ATP8B2: variants seen among roughly 807,000 people sequenced by gnomAD.
ATP8B2 encodes ATPase phospholipid transporting 8B2.
Under a neutral mutation model 133.4 loss-of-function variants are expected in ATP8B2, and 70 were observed. The ratio of observed to expected loss-of-function variants is 0.52; its 90% CI spans 0.43 to 0.64. ATP8B2 has a LOEUF of 0.64. Among genes scored for constraint, ATP8B2 ranks in the 30% least tolerant of loss-of-function variants. ATP8B2 has a pLI of 0.00. For missense variants in ATP8B2, 1,101 were observed against 1,535.7 expected (o/e 0.72, Z 4.73); for synonymous variants, 517 against 589.5 (o/e 0.88, Z 1.78).
rs1320228827 is a variant in ATP8B2, at chr1:154,334,787, G to A, written c.837+196G>A. On this transcript the variant is annotated intron_variant, in intron 11 of 27. Coordinates refer to ENST00000368489, the MANE Select transcript of ATP8B2 (RefSeq NM_001370597.1). This position sits in a 1 kb window ranked among gnomAD's most constrained non-coding sequence, Gnocchi z 4.6. The stretch of plus-strand genomic sequence containing the variant: ...TGTTATTTAAAAAAACTTCAGGAAC[G>A]TGCATGAATCAACAACTTAAAGCTA... Among the ~76,000 whole-genome samples the A allele has an allele frequency of 6.6e-6, 1 of 152,030 alleles. No homozygotes were observed. Among genetic ancestry groups the A allele is most frequent in the Non-Finnish European group, 1.5e-5 (1 of 68,022 alleles).
chr1:154,337,560 G>A lies in ATP8B2; in HGVS notation c.1034+16G>A. On this transcript the variant is annotated intron_variant, in intron 12 of 27. Coordinates refer to ENST00000368489, the MANE Select transcript of ATP8B2 (RefSeq NM_001370597.1). ...TCTATGTCAGGTATGTGCCTTCTCTGACCTGGGGTCTCTCCAGGGAGTCAG... is the reference window on the plus strand; with the variant it reads ...TCTATGTCAGGTATGTGCCTTCTCTAACCTGGGGTCTCTCCAGGGAGTCAG... 6.2e-7 allele frequency: 1 copy of A among 1,614,144 alleles called. No homozygotes were observed. Among genetic ancestry groups the A allele is most frequent in the Non-Finnish European group, 8.5e-7 (1 of 1,180,018 alleles).
In ATP8B2 at chr1:154,343,373, G is replaced by T. The variant is rs1208931832; in HGVS notation, c.1642+72G>T. ...GCCTGGAATGGGTGAAGTGTGCCGG[G>T]TGACTCTTGATGTGTTTATGTTGGG... On this transcript the variant is annotated intron_variant, in intron 16 of 27. Transcript: ENST00000368489. The surrounding 1 kb of genome is among the most constrained non-coding windows in gnomAD (Gnocchi z 5.8). 9.3e-6 allele frequency: 15 copies of T among 1,604,686 alleles called. No individual in the cohort carries two copies. In the East Asian group the frequency reaches 3.4e-4, roughly 36 times the overall value.
Position 154,336,021 on chromosome 1 carries a change from G to A in ATP8B2, c.838-1327G>A, listed in dbSNP as rs1388072296. On this transcript the variant is annotated intron_variant, in intron 11 of 27. Transcript: ENST00000368489. ...CGCGCCACTGCACTCCAGCCTGGGC[G>A]ACAGAGCAAGGCTCCATCTCAAAAA... 6.4e-5 allele frequency among the ~76,000 whole-genome samples: 9 copies of A among 140,000 alleles called. No homozygotes were observed. In the East Asian group the frequency reaches 1.7e-3, roughly 26 times the overall value. 91.8% of individuals were successfully genotyped at this position (140,000 alleles called of 152,430 possible).
Position 154,332,635 on chromosome 1 carries a change from T to C in ATP8B2, c.527T>C (p.Val176Ala). 1 of 1,589,602 alleles carries C rather than the reference T, an allele frequency of 6.3e-7. No homozygotes were observed. The highest frequency in any genetic ancestry group is 1.1e-5 in the South Asian group (1 of 87,190). Residue 176 changes from valine to alanine, a missense_variant, in exon 9 of 28, where the codon GTA becomes GCA. Val to Ala is a moderately conservative substitution (Grantham distance 64). Transcript: ENST00000368489. Reference protein sequence around the residue: ...AELDGETNMKVRQAIPVTSEL... With the variant: ...AELDGETNMKARQAIPVTSEL... ...CCTTCCAGCGAGACCAACATGAAAG[T>C]ACGTCAGGCGATTCCAGTCACCTCA...
intron 1 of ATP8B2, among the ~76,000 whole-genome samples, chr1:154,326,329 C>G (rs902600008): frequency 2.0e-5 from 3 of 152,032 alleles, no homozygotes; most frequent in African/African-American, 7.3e-5. Context: ...AAGTGGCCAG[C>G]CTTTGGGGCT....
At position 154,344,411 on chromosome 1, in the gene ATP8B2, C is replaced by A. The variant is rs150649613; in HGVS notation, c.2052C>A (p.Ile684=). 33 of 1,613,984 alleles carry A rather than the reference C, an allele frequency of 2.0e-5. No individual in the cohort carries two copies. The highest frequency in any genetic ancestry group is 1.8e-4 in the South Asian group (16 of 91,086). ...TCTTGGTAGAGACGGCTGTGAACAT[C>A]GGCTATTCCTGCAAGATGCTGACGG... ...TGDKQETAVN[I]GYSCKMLTDD... The change falls in exon 20 of 28, where the codon ATC becomes ATA. Residue 684 remains isoleucine (I), a synonymous_variant. Transcript: ENST00000368489. The surrounding 1 kb of genome is among the most constrained non-coding windows in gnomAD (Gnocchi z 4.1).
chr1:154,330,538 C>A, intron 3 of ATP8B2, 84 bp downstream of exon 3: 2 of 1,449,256 alleles, frequency 1.4e-6, no homozygotes, highest in Non-Finnish European at 1.9e-6. Context: ...GGACTGAGGG[C>A]TGCCTGGGAA....
rs760966152 is a variant in ATP8B2, at chr1:154,343,947, G to A, written c.1813G>A (p.Glu605Lys). ...TLVLAYKDLDEEYYEEWAERR... is the reference protein window; with the variant it reads ...TLVLAYKDLDKEYYEEWAERR... ...GGTGCTGGCCTACAAGGATCTGGAT[G>A]AAGAGTACTACGAGGAGTGGGCTGA... The change falls in exon 18 of 28, where the codon GAA becomes AAA. Residue 605 changes from glutamate (E) to lysine (K), a missense_variant. Coordinates refer to ENST00000368489, the MANE Select transcript of ATP8B2 (RefSeq NM_001370597.1). The surrounding 1 kb of genome is among the most constrained non-coding windows in gnomAD (Gnocchi z 5.8). 1.9e-6 allele frequency: 3 copies of A among 1,614,068 alleles called. No homozygotes were observed. Among genetic ancestry groups the A allele is most frequent in the South Asian group, 1.1e-5 (1 of 91,078 alleles).
At chr1:154,347,757 A>G (rs1686633467) in intron 26 of ATP8B2, among the ~76,000 whole-genome samples, 1 of 152,124 alleles carries the variant, frequency 6.6e-6, no homozygotes, top group Non-Finnish European at 1.5e-5. Flanking sequence ...CCTGACCCAC[A>G]TGGAGAAACC....
rs577661250 is a variant in ATP8B2 at position 154,328,953 on chromosome 1, T to C, written c.31+781T>C. On this transcript the variant is annotated intron_variant, in intron 2 of 27. Coordinates refer to ENST00000368489, the MANE Select transcript of ATP8B2 (RefSeq NM_001370597.1). The surrounding 1 kb of genome is among the most constrained non-coding windows in gnomAD (Gnocchi z 4.6). The stretch of plus-strand genomic sequence containing the variant: ...CGATGCCACTAAGGCCAAGGACATA[T>C]AGACGGTCTGCCCTCCCCCACTCAA... 3.1e-6 allele frequency: 4 copies of C among 1,303,782 alleles called. No homozygotes were observed. The highest frequency in any genetic ancestry group is 3.0e-6 in the Non-Finnish European group (3 of 988,794). The allele number at this position is 1,303,782 out of a possible 1,614,324, so 80.8% of individuals were successfully genotyped here. A position where few individuals can be genotyped will look rare whatever the true frequency, so the allele number is the denominator to read the frequency against.
In ATP8B2 at chr1:154,343,154, C is replaced by A; in HGVS notation, c.1495C>A (p.Leu499Met). 6.2e-7 allele frequency: 1 copy of A among 1,614,140 alleles called. No homozygotes were observed. Among genetic ancestry groups the A allele is most frequent in the Non-Finnish European group, 8.5e-7 (1 of 1,180,028 alleles). ...AGCTCAGTCCCCAGATGAGGGGGCC[C>A]TGGTCACCGCAGCCAGGAACTTTGG... The part of the protein sequence containing the change: ...YKAQSPDEGA[L>M]VTAARNFGFV... The change falls in exon 16 of 28, where the codon CTG (leucine) becomes ATG (methionine). Residue 499 changes from leucine (L) to methionine (M), a missense_variant. By Grantham distance (15) the Leu-to-Met change is conservative. Coordinates refer to ENST00000368489, the MANE Select transcript of ATP8B2 (RefSeq NM_001370597.1). This position sits in a 1 kb window ranked among gnomAD's most constrained non-coding sequence, Gnocchi z 5.8.
At chr1:154,332,161 G>A in intron 8 of ATP8B2, 137 bp downstream of exon 8, 1 of 794,010 alleles carries the variant, frequency 1.3e-6, no homozygotes, top group South Asian at 1.6e-5. Flanking sequence ...TGGATGGGAT[G>A]TGTGAAGTGT....
chr1:154,343,748 C>A lies in ATP8B2; in HGVS notation c.1759-145C>A. ...ACACATCAGCCAGCTCCCATAGTTA[C>A]CTCTTTTTATGTATGTGGTGACAGT... On this transcript the variant is annotated intron_variant, in intron 17 of 27. Coordinates refer to ENST00000368489, the MANE Select transcript of ATP8B2 (RefSeq NM_001370597.1). This position sits in a 1 kb window ranked among gnomAD's most constrained non-coding sequence, Gnocchi z 5.8. 1 of 1,101,164 alleles carries A rather than the reference C, an allele frequency of 9.1e-7. No individual in the cohort carries two copies. Among genetic ancestry groups the A allele is most frequent in the Non-Finnish European group, 1.3e-6 (1 of 776,470 alleles). 68.2% of individuals were successfully genotyped at this position (1,101,164 alleles called of 1,614,324 possible).
intron 3 of ATP8B2, 90 bp from the exon 4 acceptor site, chr1:154,330,725 T>C: frequency 8.8e-7 from 1 of 1,133,096 alleles, no homozygotes; most frequent in African/African-American, 1.5e-5. Flanking sequence ...GGTAGAGGTC[T>C]GGGGAAGTAT....
At position 154,343,803 on chromosome 1, in the gene ATP8B2, G is replaced by A; in HGVS notation, c.1759-90G>A. On this transcript the variant is annotated intron_variant, in intron 17 of 27. Coordinates refer to ENST00000368489, the MANE Select transcript of ATP8B2 (RefSeq NM_001370597.1). This position sits in a 1 kb window ranked among gnomAD's most constrained non-coding sequence, Gnocchi z 5.8. Reference sequence around the variant, plus strand: ...AACTGTGGAATGTGGCACACACCCAGTCTACAGTGCAGGATTATTCATTGT... The same window carrying A: ...AACTGTGGAATGTGGCACACACCCAATCTACAGTGCAGGATTATTCATTGT... The A allele has an allele frequency of 1.4e-6, 2 of 1,439,266 alleles. No individual in the cohort carries two copies. Among genetic ancestry groups the A allele is most frequent in the South Asian group, 2.6e-5 (2 of 75,528 alleles). 89.2% of individuals were successfully genotyped at this position (1,439,266 alleles called of 1,614,324 possible). A position where few individuals can be genotyped will look rare whatever the true frequency, so the allele number is the denominator to read the frequency against.
chr1:154,326,613 G>A (rs1427625603), intron 1 of ATP8B2, among the ~76,000 whole-genome samples: 1 of 152,196 alleles, frequency 6.6e-6, no homozygotes, highest in African/African-American at 2.4e-5. Context: ...AGGGGATGAG[G>A]TCTGGGGCCA....
intron 11 of ATP8B2, among the ~76,000 whole-genome samples, chr1:154,336,572 C>G (rs1317364119): frequency 1.3e-5 from 2 of 150,646 alleles, no homozygotes; most frequent in African/African-American, 4.9e-5. Context: ...ACTGCAACCT[C>G]TGCCTCTCGG....
rs772625222 is a variant in ATP8B2 at position 154,343,162 on chromosome 1, C to A, written c.1503C>A (p.Thr501=). The A allele has an allele frequency of 6.2e-7, 1 of 1,614,014 alleles. No homozygotes were observed. Among genetic ancestry groups the A allele is most frequent in the African/African-American group, 1.3e-5 (1 of 74,916 alleles). The change falls in exon 16 of 28, where the codon ACC becomes ACA. Residue 501 remains threonine (T), a synonymous_variant. Transcript: ENST00000368489. The surrounding 1 kb of genome is among the most constrained non-coding windows in gnomAD (Gnocchi z 5.8). ...AQSPDEGALV[T]AARNFGFVFR... is the part of the protein sequence containing the mutation. ...CCCCAGATGAGGGGGCCCTGGTCAC[C>A]GCAGCCAGGAACTTTGGTTTTGTTT...
Position 154,349,239 on chromosome 1 carries a change from C to T in ATP8B2, c.*121C>T. On this transcript the variant is annotated 3_prime_UTR_variant, in exon 28 of 28. Coordinates refer to ENST00000368489, the MANE Select transcript of ATP8B2 (RefSeq NM_001370597.1). ...TTGCTTCCCGTCCCCCCGGTAGACT[C>T]TGTCCTGCTGGTCCCACCACACATG... 7.8e-7 allele frequency: 1 copy of T among 1,282,032 alleles called. No homozygotes were observed. The highest frequency in any genetic ancestry group is 1.5e-5 in the South Asian group (1 of 68,672). 79.4% of individuals were successfully genotyped at this position (1,282,032 alleles called of 1,614,324 possible).
Sources: gnomAD v4.1 joint callset for allele counts (sites outside exome capture counted in the v4.1 genomes callset) on GRCh38, gnomAD v4.1.1 for gene constraint, Gnocchi (gnomAD v3.1) non-coding constraint, MANE v1.5 for transcripts, NCBI Gene and HGNC (gene_info 2026-07-23, HGNC 2026-07-21) for gene names.